Variants in ARMH3 observed in about 807,000 individuals in gnomAD.
ARMH3 encodes armadillo-like helical domain-containing protein 3.
ARMH3 carries 60 observed loss-of-function variants against 99.1 expected under a neutral mutation model. The ratio of observed to expected loss-of-function variants is 0.61; its 90% CI spans 0.49 to 0.75. The LOEUF is 0.75. Ranked by LOEUF, ARMH3 falls within the 30% of genes least tolerant of loss-of-function variation. ARMH3 has a pLI of 0.00. For missense variants in ARMH3, 679 were observed against 843.1 expected, an observed-to-expected ratio of 0.81 and a Z score of 2.41; for synonymous variants, 285 against 292.8, an observed-to-expected ratio of 0.97 and a Z score of 0.27.
At chr10:101,975,077 CAAA>C (rs1357086481) in intron 20 of ARMH3, 132 bp downstream of exon 20, 22 of 114,720 alleles carry the variant, frequency 1.9e-4, no homozygotes, top group African/African-American at 9.0e-4. Flanking sequence ...AAAAAAAAGA[CAAA>C]AAGAGTAACT....
intron 19 of ARMH3, among the ~76,000 whole-genome samples, chr10:101,980,800 G>A (rs1037465324): frequency 2.0e-5 from 3 of 152,132 alleles, no homozygotes; most frequent in Non-Finnish European, 4.4e-5. Flanking sequence ...CTAAGACATG[G>A]AACCAACCCA....
rs538618910 is a variant in ARMH3 at position 102,001,980 on chromosome 10, C to T, written c.1141G>A (p.Asp381Asn). 1 of 1,614,114 alleles carries T rather than the reference C, an allele frequency of 6.2e-7. No homozygotes were observed. The highest frequency in any genetic ancestry group is 8.5e-7 in the Non-Finnish European group (1 of 1,179,986). The change falls in exon 15 of 26, where the codon GAC (aspartate) becomes AAC (asparagine). Residue 381 changes from aspartate to asparagine, a missense_variant. Asp to Asn is a conservative substitution (Grantham distance 23). Coordinates refer to ENST00000370033, the MANE Select transcript of ARMH3 (RefSeq NM_024541.3). Reference protein sequence around the residue: ...FLKYSSIVMQDTKDEHRLHSG... With the variant: ...FLKYSSIVMQNTKDEHRLHSG... ...AATAGCTATGGCTTACCTTTGGTGTCCTGCATGACAATTGAGCTATACTTT... is the reference window on the plus strand; with the variant it reads ...AATAGCTATGGCTTACCTTTGGTGTTCTGCATGACAATTGAGCTATACTTT...
intron 24 of ARMH3, among the ~76,000 whole-genome samples, chr10:101,874,366 C>T (rs546379801): frequency 1.3e-5 from 2 of 152,118 alleles, no homozygotes; most frequent in South Asian, 4.1e-4. Context: ...TCTTAATATT[C>T]CATTTTGGGT....
intron 2 of ARMH3, among the ~76,000 whole-genome samples, chr10:102,036,170 A>G (rs2067258886): frequency 7.4e-6 from 1 of 135,102 alleles, no homozygotes; most frequent in South Asian, 2.4e-4. Context: ...GTGGGGGGTC[A>G]GCCCCCGCCC....
chr10:101,952,315 G>T (rs1402627782), intron 22 of ARMH3, among the ~76,000 whole-genome samples: 1 of 152,030 alleles, frequency 6.6e-6, no homozygotes, highest in Non-Finnish European at 1.5e-5. Flanking sequence ...CAAACCATGA[G>T]TAAAACACAA....
At chr10:101,950,802 C>A (rs1173370770) in intron 22 of ARMH3, among the ~76,000 whole-genome samples, 1 of 152,082 alleles carries the variant, frequency 6.6e-6, no homozygotes. Flanking sequence ...CAGGAGATTG[C>A]AGTAAATGGG....
chr10:101,916,672 T>C (rs966552153), intron 23 of ARMH3, among the ~76,000 whole-genome samples: 1 of 152,198 alleles, frequency 6.6e-6, no homozygotes, highest in African/African-American at 2.4e-5. Flanking sequence ...CCCTTAATGG[T>C]AAATCATTAT....
intron 23 of ARMH3, among the ~76,000 whole-genome samples, chr10:101,900,760 C>T (rs372911585): frequency 6.6e-6 from 1 of 152,272 alleles, no homozygotes; most frequent in South Asian, 2.1e-4. Context: ...GGTGGGAGAA[C>T]TGCTTGAGGC....
intron 19 of ARMH3, among the ~76,000 whole-genome samples, chr10:101,986,855 G>A (rs1162497952): frequency 6.6e-6 from 1 of 152,118 alleles, no homozygotes; most frequent in Non-Finnish European, 1.5e-5. Flanking sequence ...TCAGCCTGAG[G>A]GTGGGACCTT....
chr10:101,974,351 A>G (rs1285781412), intron 20 of ARMH3, among the ~76,000 whole-genome samples: 2 of 152,194 alleles, frequency 1.3e-5, no homozygotes, highest in Non-Finnish European at 2.9e-5. Context: ...TGACACTAAC[A>G]CACCCTATTC....
chr10:102,036,369 G>C (rs2067271419), intron 2 of ARMH3, among the ~76,000 whole-genome samples: 1 of 152,148 alleles, frequency 6.6e-6, no homozygotes, highest in African/African-American at 2.4e-5. Flanking sequence ...CCCCGTCTGG[G>C]AGGTGTACCC....
chr10:102,030,943 G>A (rs1056688243), intron 4 of ARMH3, among the ~76,000 whole-genome samples: 39 of 151,852 alleles, frequency 2.6e-4, no homozygotes, highest in Non-Finnish European at 8.8e-5. Context: ...GCACCACCAC[G>A]CCTGGCTAAT....
intron 8 of ARMH3, among the ~76,000 whole-genome samples, chr10:102,018,461 G>C (rs1162147805): frequency 6.6e-6 from 1 of 152,180 alleles, no homozygotes; most frequent in Non-Finnish European, 1.5e-5. Flanking sequence ...ACAGTGATGT[G>C]CTGCATAAGG....
intron 20 of ARMH3, among the ~76,000 whole-genome samples, chr10:101,960,084 A>G (rs1399041731): frequency 6.6e-6 from 1 of 152,178 alleles, no homozygotes; most frequent in Non-Finnish European, 1.5e-5. Context: ...AGGCTGAGGC[A>G]GAAGAATTGC....
intron 23 of ARMH3, among the ~76,000 whole-genome samples, chr10:101,903,885 C>T (rs936964110): frequency 6.6e-6 from 1 of 152,202 alleles, no homozygotes; most frequent in African/African-American, 2.4e-5. Flanking sequence ...CTCAAAGATG[C>T]TCATGGAGAC....
intron 1 of ARMH3, among the ~76,000 whole-genome samples, 177 bp downstream of exon 1, chr10:102,055,908 C>T (rs2067840268): frequency 6.6e-6 from 1 of 152,180 alleles, no homozygotes; most frequent in African/African-American, 2.4e-5. Flanking sequence ...CCAGCCCTCC[C>T]CGGCATACGC....
intron 23 of ARMH3, among the ~76,000 whole-genome samples, chr10:101,905,516 G>A (rs2068081916): frequency 6.6e-6 from 1 of 152,178 alleles, no homozygotes; most frequent in Non-Finnish European, 1.5e-5. Flanking sequence ...GGTTACATCT[G>A]GGCTAGATTT....
intron 15 of ARMH3, among the ~76,000 whole-genome samples, chr10:101,996,660 AT>A (rs996625950): frequency 9.3e-5 from 14 of 150,130 alleles, no homozygotes; most frequent in Admixed American, 2.7e-4. Flanking sequence ...TCCACTTAAA[AT>A]TTTTTTTAAT....
At chr10:102,035,162 G>A (rs900787261) in intron 2 of ARMH3, among the ~76,000 whole-genome samples, 9 of 152,022 alleles carry the variant, frequency 5.9e-5, no homozygotes, top group Non-Finnish European at 1.2e-4. Flanking sequence ...GGATCACGAG[G>A]TCAGGAGATG....
Sources: gnomAD v4.1 joint callset for allele counts (sites outside exome capture counted in the v4.1 genomes callset) on GRCh38, gnomAD v4.1.1 for gene constraint, MANE v1.5 for transcripts, NCBI Gene and HGNC (gene_info 2026-07-23, HGNC 2026-07-21) for gene names.